SHISAL2B: variants seen among roughly 807,000 people sequenced by gnomAD.
SHISAL2B encodes the protein shisa like 2B, also known as protein shisa-like-2B.
Under a neutral mutation model 16.5 loss-of-function variants are expected in SHISAL2B, and 12 were observed. That is an observed-to-expected ratio of 0.73 (90% confidence interval 0.47 to 1.18). The LOEUF is 1.18. Among genes scored for constraint, SHISAL2B ranks in the 50% most tolerant of loss-of-function variants. The probability of loss-of-function intolerance (pLI) is 0.00; values close to 1 mark genes in which losing one functional copy is unlikely to be tolerated. For missense variants in SHISAL2B, 183 were observed against 193.6 expected, an observed-to-expected ratio of 0.95 and a Z score of 0.33; for synonymous variants, 72 against 75.0, an observed-to-expected ratio of 0.96 and a Z score of 0.21.
At position 64,709,168 on chromosome 5, in the gene SHISAL2B, C is replaced by T. The variant is rs368383849; in HGVS notation, c.350-8721C>T. 9.0e-4 allele frequency among the ~76,000 whole-genome samples: 124 copies of T among 138,022 alleles called. 3 individuals carry two copies. The East Asian group carries it at 0.022, about 25-fold the overall frequency. 90.5% of individuals were successfully genotyped at this position (138,022 alleles called of 152,430 possible). A position where few individuals can be genotyped will look rare whatever the true frequency, so the allele number is the denominator to read the frequency against. On this transcript the variant is annotated intron_variant, in intron 2 of 2. Transcript: ENST00000389074. ...CGTCATCTAGCATTAGGTATATCTC[C>T]CAATGCTATCCCTCCCCCCTCCCCC...
chr5:64,714,519 TG>T (rs1037104692), intron 2 of SHISAL2B, among the ~76,000 whole-genome samples: 4 of 151,536 alleles, frequency 2.6e-5, no homozygotes, highest in Non-Finnish European at 5.9e-5. Flanking sequence ...CCCCCAGAGG[TG>T]GAGCCTACAG....
At chr5:64,698,987 T>C (rs1741773250) in intron 2 of SHISAL2B, among the ~76,000 whole-genome samples, 1 of 152,352 alleles carries the variant, frequency 6.6e-6, no homozygotes, top group Non-Finnish European at 1.5e-5. Flanking sequence ...TTAGCTTAGA[T>C]ACTGCTCCAA....
At chr5:64,695,749 A>C (rs1741723933) in intron 2 of SHISAL2B, 85 bp downstream of exon 2, 1 of 1,025,658 alleles carries the variant, frequency 9.7e-7, no homozygotes, top group African/African-American at 1.6e-5. Flanking sequence ...ACTGTTAACA[A>C]TGAATGCTTT....
intron 1 of SHISAL2B, among the ~76,000 whole-genome samples, chr5:64,692,557 T>C (rs16893055): frequency 0.054 from 8,233 of 152,246 alleles, 632 homozygotes; most frequent in African/African-American, 0.17. Context: ...TATTCTTTGC[T>C]CTCCACTCCT....
At chr5:64,707,923 C>A (rs1039043906) in intron 2 of SHISAL2B, among the ~76,000 whole-genome samples, 10 of 152,040 alleles carry the variant, frequency 6.6e-5, no homozygotes, top group Non-Finnish European at 1.5e-4. Flanking sequence ...TCACAATTTC[C>A]AAAGTTATTA....
intron 2 of SHISAL2B, among the ~76,000 whole-genome samples, chr5:64,702,257 A>C (rs1197375381): frequency 1.3e-5 from 2 of 151,910 alleles, no homozygotes; most frequent in African/African-American, 4.8e-5. Context: ...CTGGAGTGCA[A>C]TGGTATGATC....
chr5:64,702,777 C>CT (rs1462440496), intron 2 of SHISAL2B, among the ~76,000 whole-genome samples: 1 of 151,912 alleles, frequency 6.6e-6, no homozygotes, highest in Non-Finnish European at 1.5e-5. Context: ...AGAGATCTGT[C>CT]TTTTTTATTT....
rs10471637 is a variant in SHISAL2B at position 64,690,524 on chromosome 5, G to C, written c.-100G>C. 0.31 allele frequency: 303,606 copies of C among 974,710 alleles called. 49,763 individuals are homozygous for C. The highest frequency in any genetic ancestry group is 0.55 in the East Asian group (17,637 of 32,044). The allele number at this position is 974,710 out of a possible 1,614,324, so 60.4% of individuals were successfully genotyped here. On this transcript the variant is annotated 5_prime_UTR_variant, in exon 1 of 3. Coordinates refer to ENST00000389074, the MANE Select transcript of SHISAL2B (RefSeq NM_001164442.2). The stretch of plus-strand genomic sequence containing the variant: ...AGCCAGAGCCCAGATCGGAAGAGCC[G>C]AGTCCGGGCAGAGGGGTCCGCGGGC...
At chr5:64,702,116 A>G (rs1487462716) in intron 2 of SHISAL2B, among the ~76,000 whole-genome samples, 1 of 152,224 alleles carries the variant, frequency 6.6e-6, no homozygotes, top group African/African-American at 2.4e-5. Context: ...TATAAAAAAT[A>G]AATGCATTAG....
intron 2 of SHISAL2B, among the ~76,000 whole-genome samples, chr5:64,708,358 A>G (rs886566904): frequency 1.3e-5 from 2 of 152,206 alleles, no homozygotes; most frequent in Admixed American, 1.3e-4. Flanking sequence ...TAAAAAGTTT[A>G]AAACACTTGA....
At chr5:64,708,625 A>C (rs920891049) in intron 2 of SHISAL2B, among the ~76,000 whole-genome samples, 2 of 152,178 alleles carry the variant, frequency 1.3e-5, no homozygotes, top group Non-Finnish European at 2.9e-5. Context: ...CTTGTATATT[A>C]TTTGTTAAAT....
intron 2 of SHISAL2B, among the ~76,000 whole-genome samples, chr5:64,709,110 A>C (rs1174980594): frequency 6.7e-6 from 1 of 148,784 alleles, no homozygotes; most frequent in Non-Finnish European, 1.5e-5. Context: ...ATATGTATAC[A>C]TGTGCCATGC....
chr5:64,698,467 C>T (rs1580520204), intron 2 of SHISAL2B, among the ~76,000 whole-genome samples: 1 of 152,170 alleles, frequency 6.6e-6, no homozygotes, highest in East Asian at 1.9e-4. Flanking sequence ...CCTTGAACTT[C>T]CTGACTCAGG....
At chr5:64,695,860 A>G (rs2112056955) in intron 2 of SHISAL2B, among the ~76,000 whole-genome samples, 196 bp downstream of exon 2, 1 of 152,364 alleles carries the variant, frequency 6.6e-6, no homozygotes, top group African/African-American at 2.4e-5. Context: ...GAAAAATAGC[A>G]GCAGGATGTA....
rs562548132 is a variant in SHISAL2B at position 64,709,009 on chromosome 5, G to A, written c.350-8880G>A. Among the ~76,000 whole-genome samples, 9 of 151,578 alleles carry A rather than the reference G, an allele frequency of 5.9e-5. No individual in the cohort carries two copies. In the South Asian group the frequency reaches 1.9e-3, roughly 32 times the overall value. ...TGTTTCAGTCTTATGGGTAAGATAT[G>A]GAAGCTGCAGTGAGACATCTTTCTT... is the stretch of plus-strand genomic sequence containing the variant. On this transcript the variant is annotated intron_variant, in intron 2 of 2. Transcript: ENST00000389074.
intron 2 of SHISAL2B, among the ~76,000 whole-genome samples, chr5:64,704,638 T>C (rs893271949): frequency 6.6e-6 from 1 of 152,176 alleles, no homozygotes; most frequent in Non-Finnish European, 1.5e-5. Flanking sequence ...AAAATTTTTA[T>C]GTGTAACAAA....
At chr5:64,692,368 C>CT (rs1741663642) in intron 1 of SHISAL2B, among the ~76,000 whole-genome samples, 1 of 152,158 alleles carries the variant, frequency 6.6e-6, no homozygotes, top group South Asian at 2.1e-4. Flanking sequence ...GAGTGAACAG[C>CT]TTGCTGGGGT....
rs894290509 is a variant in SHISAL2B at position 64,690,734 on chromosome 5, C to T, written c.111C>T (p.Cys37=). The change falls in exon 1 of 3, where the codon TGC becomes TGT. Residue 37 remains cysteine (C), a synonymous_variant. Coordinates refer to ENST00000389074, the MANE Select transcript of SHISAL2B (RefSeq NM_001164442.2). ...AGGGGGCAGCGCTCCAGTATTGCTG[C>T]GGCTTCGCCGACCTCAAGTACTGCT... ...RGEGAALQYC[C]GFADLKYCCS... The T allele has an allele frequency of 1.2e-5, 19 of 1,538,374 alleles. No homozygotes were observed. The highest frequency in any genetic ancestry group is 1.7e-5 in the Non-Finnish European group (19 of 1,148,320).
rs910330529 is a variant in SHISAL2B at position 64,713,397 on chromosome 5, G to C, written c.350-4492G>C. On this transcript the variant is annotated intron_variant, in intron 2 of 2. Transcript: ENST00000389074. ...CTCTCTTCTGGCTTGTAGGGTTTCT[G>C]TCAAGAGATCCGCTGTTAGTCTGAT... Among the ~76,000 whole-genome samples the C allele has an allele frequency of 6.1e-4, 53 of 86,720 alleles. 5 individuals are homozygous for C. The highest frequency in any genetic ancestry group is 2.0e-4 in the African/African-American group (2 of 9,912). 56.9% of individuals were successfully genotyped at this position (86,720 alleles called of 152,430 possible). A position where few individuals can be genotyped will look rare whatever the true frequency, so the allele number is the denominator to read the frequency against.
Sources: gnomAD v4.1 joint callset for allele counts (sites outside exome capture counted in the v4.1 genomes callset) on GRCh38, gnomAD v4.1.1 for gene constraint, MANE v1.5 for transcripts, NCBI Gene and HGNC (gene_info 2026-07-23, HGNC 2026-07-21) for gene names.